KCNT1: variants seen among roughly 807,000 people sequenced by gnomAD.
The protein encoded by KCNT1 is potassium channel subfamily T member 1.
In KCNT1, 78 loss-of-function variants were observed where a neutral mutation model predicts 147.8. The ratio of observed to expected loss-of-function variants is 0.53; its 90% CI spans 0.44 to 0.64. KCNT1 has a LOEUF of 0.64. KCNT1 is among the 30% of genes least tolerant of loss of function. The pLI, the probability that KCNT1 is intolerant of heterozygous loss-of-function variation, is 0.00. For missense variants in KCNT1, 1,419 were observed against 1,750.3 expected, an observed-to-expected ratio of 0.81 and a Z score of 3.38; for synonymous variants, 867 against 748.8, an observed-to-expected ratio of 1.16 and a Z score of -2.58.
chr9:135,774,401 G>A (rs563980135), intron 19 of KCNT1, among the ~76,000 whole-genome samples: 95 of 139,272 alleles, frequency 6.8e-4, no homozygotes, highest in Admixed American at 1.6e-3. Flanking sequence ...TTGTGTGTCC[G>A]TGTGTGTGTG....
At chr9:135,703,890 C>T (rs1835137164) in intron 1 of KCNT1, among the ~76,000 whole-genome samples, 1 of 152,252 alleles carries the variant, frequency 6.6e-6, no homozygotes, top group East Asian at 1.9e-4. Flanking sequence ...ACAGCTCCTC[C>T]TCCCCGCTGG....
At chr9:135,724,448 A>G (rs1023093221) in intron 2 of KCNT1, among the ~76,000 whole-genome samples, 2 of 152,256 alleles carry the variant, frequency 1.3e-5, no homozygotes, top group Non-Finnish European at 2.9e-5. Context: ...CCTCACCTGC[A>G]GGATCCAGGC....
Position 135,757,731 on chromosome 9 carries a change from C to G in KCNT1, c.759+350C>G, listed in dbSNP as rs1026398941. Among the ~76,000 whole-genome samples, 106 of 152,166 alleles carry G rather than the reference C, an allele frequency of 7.0e-4. 6 individuals are homozygous for G. Among genetic ancestry groups the G allele is most frequent in the Non-Finnish European group, 5.9e-5 (4 of 68,024 alleles). ...CACGCAAACTGGGGCCACGGGGCCA[C>G]AGGCAGGCCCTGTGCTGAGCATCTC... On this transcript the variant is annotated intron_variant, in intron 9 of 30. Transcript: ENST00000371757.
intron 24 of KCNT1, among the ~76,000 whole-genome samples, chr9:135,782,316 G>A (rs1833669773): frequency 6.6e-6 from 1 of 152,234 alleles, no homozygotes; most frequent in South Asian, 2.1e-4. Flanking sequence ...CGGTGTGTGA[G>A]AGGAGTCTCT....
chr9:135,768,240 CGGGGGGGGG>C (rs751932639), intron 13 of KCNT1, among the ~76,000 whole-genome samples: 1 of 5,084 alleles, frequency 2.0e-4, no homozygotes, highest in South Asian at 0.014. Context: ...AGGATGCCTG[CGGGGGGGGG>C]GGGGGGGGCA....
chr9:135,703,447 T>C (rs538535541), intron 1 of KCNT1, among the ~76,000 whole-genome samples: 1 of 151,862 alleles, frequency 6.6e-6, no homozygotes, highest in African/African-American at 2.4e-5. Flanking sequence ...GGAGAGGAGG[T>C]TCCCAGAATC....
At chr9:135,710,125 G>A (rs1195351940) in intron 1 of KCNT1, among the ~76,000 whole-genome samples, 1 of 152,188 alleles carries the variant, frequency 6.6e-6, no homozygotes. Flanking sequence ...AAACAGCAGT[G>A]TTTTGTTCAG....
chr9:135,754,368 C>T lies in KCNT1; in HGVS notation c.491+375C>T, dbSNP rs532412277. On this transcript the variant is annotated intron_variant, in intron 5 of 30. Transcript: ENST00000371757. ...CCCAGCCAGTTCCACAGCCTCCACA[C>T]GCTCTTCCTGAGCCCAGTGAGAGAT... Among the ~76,000 whole-genome samples, 21 of 152,344 alleles carry T rather than the reference C, an allele frequency of 1.4e-4. No homozygotes were observed. The Middle Eastern group carries it at 0.014, about 99-fold the overall frequency.
At chr9:135,711,262 T>A (rs554238968) in intron 1 of KCNT1, among the ~76,000 whole-genome samples, 1 of 152,306 alleles carries the variant, frequency 6.6e-6, no homozygotes, top group South Asian at 2.1e-4. Flanking sequence ...TTAAGCACTT[T>A]GTCAGACAGC....
intron 22 of KCNT1, 26 bp downstream of exon 22, chr9:135,778,521 TGG>T: frequency 6.3e-7 from 1 of 1,598,790 alleles, no homozygotes; most frequent in East Asian, 2.3e-5. Flanking sequence ...CCGAGGCTCG[TGG>T]GGGCTCCACA....
chr9:135,782,775 C>T (rs1186957239), intron 24 of KCNT1, among the ~76,000 whole-genome samples: 3 of 152,208 alleles, frequency 2.0e-5, no homozygotes, highest in African/African-American at 4.8e-5. Flanking sequence ...CGTTCGTCTC[C>T]GCGAAGTACG....
At chr9:135,760,051 A>G (rs1199031038) in intron 11 of KCNT1, among the ~76,000 whole-genome samples, 192 bp downstream of exon 11, 1 of 151,978 alleles carries the variant, frequency 6.6e-6, no homozygotes, top group East Asian at 1.9e-4. Flanking sequence ...GGTGGTGCTC[A>G]GCATGGTGGG....
Position 135,765,618 on chromosome 9 carries a change from C to G in KCNT1, c.1201-6C>G. 1 of 1,604,008 alleles carries G rather than the reference C, an allele frequency of 6.2e-7. No individual in the cohort carries two copies. ...CAGAGGGTCTGACCCTCCGCCTGGC[C>G]GGCAGGACTATTACGTGGTCATCCT... On this transcript the variant is annotated splice_polypyrimidine_tract_variant and splice_region_variant and intron_variant, in intron 12 of 30. Transcript: ENST00000371757.
Position 135,792,536 on chromosome 9 carries a change from A to C in KCNT1, c.*375A>C, listed in dbSNP as rs1238591500. The C allele has an allele frequency of 5.3e-6, 1 of 187,836 alleles. No homozygotes were observed. The highest frequency in any genetic ancestry group is 2.4e-5 in the African/African-American group (1 of 42,056). 11.6% of individuals were successfully genotyped at this position (187,836 alleles called of 1,614,324 possible). On this transcript the variant is annotated 3_prime_UTR_variant, in exon 31 of 31. Transcript: ENST00000371757. ...GGCTGGGGTGCATGGGGAGGGGAGCAGAACCCAGAACCCAGGAGCCCCGCG... is the reference window on the plus strand; with the variant it reads ...GGCTGGGGTGCATGGGGAGGGGAGCCGAACCCAGAACCCAGGAGCCCCGCG...
At chr9:135,766,931 G>C (rs1832330034) in intron 13 of KCNT1, among the ~76,000 whole-genome samples, 1 of 152,192 alleles carries the variant, frequency 6.6e-6, no homozygotes, top group East Asian at 1.9e-4. Flanking sequence ...GTGAGTCAAG[G>C]TGGGAGAACG....
intron 1 of KCNT1, among the ~76,000 whole-genome samples, chr9:135,712,054 A>G (rs1389343075): frequency 4.6e-5 from 7 of 152,210 alleles, no homozygotes; most frequent in African/African-American, 1.7e-4. Flanking sequence ...AACTCATGCC[A>G]GCGGGACTCT....
chr9:135,761,083 G>T (rs1457550185), intron 11 of KCNT1, among the ~76,000 whole-genome samples: 1 of 151,844 alleles, frequency 6.6e-6, no homozygotes, highest in African/African-American at 2.4e-5. Context: ...GCCCAGGCTG[G>T]CCTCGAACTC....
chr9:135,745,821 G>A (rs112985598), intron 2 of KCNT1, among the ~76,000 whole-genome samples: 1 of 152,198 alleles, frequency 6.6e-6, no homozygotes, highest in Non-Finnish European at 1.5e-5. Flanking sequence ...CTCAGCCCTG[G>A]GCCTCTGGCT....
chr9:135,740,873 G>A (rs1443357756), intron 2 of KCNT1, among the ~76,000 whole-genome samples: 4 of 151,972 alleles, frequency 2.6e-5, no homozygotes, highest in Admixed American at 6.5e-5. Context: ...TGGATGCTGC[G>A]GATAGAGGCC....
Sources: allele counts gnomAD v4.1 joint callset (sites outside exome capture counted in the v4.1 genomes callset), GRCh38; gene constraint gnomAD v4.1.1; transcripts MANE v1.5; gene names NCBI Gene and HGNC (gene_info 2026-07-23, HGNC 2026-07-21).